SLC45A2: variants seen among roughly 807,000 people sequenced by gnomAD.
The protein encoded by SLC45A2 is membrane-associated transporter protein.
A neutral mutation model predicts 45.5 loss-of-function variants in SLC45A2; 36 were observed. That is an observed-to-expected ratio of 0.79 (90% confidence interval 0.61 to 1.04). SLC45A2 has a LOEUF of 1.04. Among genes scored for constraint, SLC45A2 ranks in the 50% least tolerant of loss-of-function variants. The pLI is 0.00. For missense variants in SLC45A2, 719 were observed against 671.0 expected, an observed-to-expected ratio of 1.07 and a Z score of -0.79; for synonymous variants, 306 against 269.3, an observed-to-expected ratio of 1.14 and a Z score of -1.33.
At chr5:33,946,371 T>C in intron 6 of SLC45A2, 2 of 985,518 alleles carry the variant, frequency 2.0e-6, no homozygotes, top group Non-Finnish European at 2.4e-6. Flanking sequence ...TGTTCAGTGT[T>C]TTTGCAGTTT....
chr5:33,944,801 T>A lies in SLC45A2; in HGVS notation c.1440A>T (p.Thr480=). Residue 480 remains threonine (T), a synonymous_variant, in exon 7 of 7, where the codon ACA becomes ACT. Coordinates refer to ENST00000296589, the MANE Select transcript of SLC45A2 (RefSeq NM_016180.5). The part of the protein sequence containing the change: ...RGKGMDCATL[T]CMVQLAQILV... ...GGATCTGAGCCAGCTGCACCATGCA[T>A]GTGAGGGTGGCGCAGTCCATGCCCT... is the stretch of plus-strand genomic sequence containing the variant. 1 of 1,614,222 alleles carries A rather than the reference T, an allele frequency of 6.2e-7. No homozygotes were observed. The highest frequency in any genetic ancestry group is 8.5e-7 in the Non-Finnish European group (1 of 1,180,028).
At chr5:33,971,155 G>T in intron 2 of SLC45A2, 1 of 531,622 alleles carries the variant, frequency 1.9e-6, no homozygotes. Context: ...AACAAGAGTT[G>T]CTTTGGATAG....
intron 2 of SLC45A2, among the ~76,000 whole-genome samples, chr5:33,978,549 C>T (rs867262131): frequency 3.9e-4 from 59 of 152,270 alleles, no homozygotes; most frequent in African/African-American, 1.3e-3. Flanking sequence ...CACAATCCTC[C>T]TTAACTCAAG....
At chr5:33,956,105 A>C (rs1275547011) in intron 3 of SLC45A2, among the ~76,000 whole-genome samples, 1 of 152,168 alleles carries the variant, frequency 6.6e-6, no homozygotes, top group Non-Finnish European at 1.5e-5. Flanking sequence ...ATTGAAGAGG[A>C]CTGACAATTA....
intron 2 of SLC45A2, among the ~76,000 whole-genome samples, chr5:33,967,907 C>T (rs1282980987): frequency 6.6e-6 from 1 of 150,890 alleles, no homozygotes; most frequent in African/African-American, 2.4e-5. Flanking sequence ...AATTTAAAAC[C>T]TTGACATAAT....
chr5:33,954,798 G>T (rs965577488), intron 3 of SLC45A2, among the ~76,000 whole-genome samples: 2 of 152,132 alleles, frequency 1.3e-5, no homozygotes, highest in Non-Finnish European at 2.9e-5. Context: ...AGCATCCTAT[G>T]TCTGAATGAC....
At chr5:33,970,654 T>G (rs1267618689) in intron 2 of SLC45A2, among the ~76,000 whole-genome samples, 1 of 152,182 alleles carries the variant, frequency 6.6e-6, no homozygotes, top group Non-Finnish European at 1.5e-5. Context: ...ACTTTACCTC[T>G]CAACAACACA....
intron 3 of SLC45A2, among the ~76,000 whole-genome samples, chr5:33,959,584 A>G (rs1752384526): frequency 6.6e-6 from 1 of 152,174 alleles, no homozygotes; most frequent in South Asian, 2.1e-4. Flanking sequence ...TCTTACAGTT[A>G]TGAAAAACAC....
Position 33,984,374 on chromosome 5 carries a change from G to T in SLC45A2, c.210C>A (p.Tyr70Ter), listed in dbSNP as rs562624441. The change falls in exon 1 of 7, where the codon TAC (tyrosine) becomes TAA (stop). Residue 70 changes from tyrosine to a stop codon, truncating the protein, a stop_gained. Coordinates refer to ENST00000296589, the MANE Select transcript of SLC45A2 (RefSeq NM_016180.5). LOFTEE classifies it high-confidence loss of function. ...TGGGGCTGAGGAACCACACAATGCT[G>T]TACAGGCTGCTGGGCAGACCTACGC... ...LLSVGLPSSL[Y>*]SIVWFLSPIL... is the part of the protein sequence containing the mutation. The T allele has an allele frequency of 1.2e-5, 19 of 1,613,836 alleles. No individual in the cohort carries two copies. Among genetic ancestry groups the T allele is most frequent in the Non-Finnish European group, 1.6e-5 (19 of 1,179,862 alleles).
intron 4 of SLC45A2, among the ~76,000 whole-genome samples, chr5:33,952,092 C>T (rs1752122796): frequency 6.6e-6 from 1 of 152,088 alleles, no homozygotes; most frequent in South Asian, 2.1e-4. Context: ...AAGGCCCAGA[C>T]CATACTGCAC....
At chr5:33,946,876 C>G (rs953047843) in intron 6 of SLC45A2, 37 of 1,375,146 alleles carry the variant, frequency 2.7e-5, no homozygotes, top group Non-Finnish European at 3.2e-5. Context: ...GCTGGTTTCT[C>G]AGCCTCACCA....
chr5:33,970,811 G>T (rs3776553), intron 2 of SLC45A2: 1 of 285,760 alleles, frequency 3.5e-6, no homozygotes, highest in Non-Finnish European at 6.9e-6. Context: ...AGGAGTTTAT[G>T]TGATGGTTAG....
chr5:33,952,629 T>C lies in SLC45A2; in HGVS notation c.1033-952A>G, dbSNP rs552120123. ...CTGTAAGAATTTCATTTTTAATGTATTTCATACAGGCCGGAGCTAACAAGT... is the reference window on the plus strand; with the variant it reads ...CTGTAAGAATTTCATTTTTAATGTACTTCATACAGGCCGGAGCTAACAAGT... On this transcript the variant is annotated intron_variant, in intron 4 of 6. Coordinates refer to ENST00000296589, the MANE Select transcript of SLC45A2 (RefSeq NM_016180.5). 5.1e-4 allele frequency among the ~76,000 whole-genome samples: 78 copies of C among 152,160 alleles called. 1 individual carries two copies. Among genetic ancestry groups the C allele is most frequent in the African/African-American group, 1.8e-3 (74 of 41,530 alleles).
At position 33,971,239 on chromosome 5, in the gene SLC45A2, C is replaced by A. The variant is rs570139232; in HGVS notation, c.563-7223G>T. ...GATTTATAACATGTCTCATGAGGAT[C>A]CTGGGATGTTTCTTATTCTGAGATT... On this transcript the variant is annotated intron_variant, in intron 2 of 6. Coordinates refer to ENST00000296589, the MANE Select transcript of SLC45A2 (RefSeq NM_016180.5). The A allele has an allele frequency of 3.3e-4, 174 of 531,062 alleles. 1 individual carries two copies. Among genetic ancestry groups the A allele is most frequent in the South Asian group, 2.4e-3 (171 of 71,806 alleles). 32.9% of individuals were successfully genotyped at this position (531,062 alleles called of 1,614,324 possible). A position where few individuals can be genotyped will look rare whatever the true frequency, so the allele number is the denominator to read the frequency against.
At chr5:33,954,256 A>T (rs1037921454) in intron 4 of SLC45A2, 105 bp downstream of exon 4, 17 of 1,513,934 alleles carry the variant, frequency 1.1e-5, no homozygotes, top group Non-Finnish European at 1.5e-5. Context: ...CCTTTCCTAC[A>T]TTCTTACTGT....
intron 1 of SLC45A2, 144 bp downstream of exon 1, chr5:33,984,055 G>T: frequency 2.6e-6 from 3 of 1,147,178 alleles, no homozygotes; most frequent in South Asian, 1.4e-5. Flanking sequence ...GGCCAAATTT[G>T]TCAAAGGGGA....
Position 33,963,932 on chromosome 5 carries a change from T to C in SLC45A2, c.647A>G (p.Gln216Arg). 1.2e-6 allele frequency: 2 copies of C among 1,614,132 alleles called. No homozygotes were observed. The highest frequency in any genetic ancestry group is 8.5e-7 in the Non-Finnish European group (1 of 1,180,004). ...CAATGCAGAGAAGAAGAACATGACC[T>C]GGAATTCTGTACCCAACAGTCTTCC... ...ELGRLLGTEF[Q>R]VMFFFSALVL... Residue 216 changes from glutamine to arginine, a missense_variant, in exon 3 of 7, where the codon CAG (glutamine) becomes CGG (arginine). Coordinates refer to ENST00000296589, the MANE Select transcript of SLC45A2 (RefSeq NM_016180.5).
chr5:33,972,917 G>A (rs527652869), intron 2 of SLC45A2, among the ~76,000 whole-genome samples: 13 of 152,292 alleles, frequency 8.5e-5, no homozygotes, highest in Non-Finnish European at 1.6e-4. Flanking sequence ...AATGGTTTGA[G>A]GTAGTAGGAT....
chr5:33,963,069 T>A (rs1752494556), intron 3 of SLC45A2, among the ~76,000 whole-genome samples: 1 of 152,162 alleles, frequency 6.6e-6, no homozygotes, highest in Non-Finnish European at 1.5e-5. Context: ...ACTGAAGAAA[T>A]GAAGTTCTAA....
Sources: allele counts gnomAD v4.1 joint callset (sites outside exome capture counted in the v4.1 genomes callset), GRCh38; gene constraint gnomAD v4.1.1; transcripts MANE v1.5; gene names NCBI Gene and HGNC (gene_info 2026-07-23, HGNC 2026-07-21).